Variants in SLC39A14 observed in about 807,000 individuals in gnomAD.
SLC39A14 encodes the protein solute carrier family 39 member 14, also known as metal cation symporter ZIP14.
SLC39A14 carries 19 observed loss-of-function variants against 45.5 expected under a neutral mutation model. That is an observed-to-expected ratio of 0.42 (90% CI 0.29 to 0.61). The LOEUF (loss-of-function observed/expected upper bound fraction) is 0.61, where lower values mean the gene tolerates loss of function less well. SLC39A14 is among the 20% of genes least tolerant of loss of function. SLC39A14 has a pLI of 0.22. For synonymous variants in SLC39A14, 264 were observed against 251.3 expected (o/e 1.05, Z -0.48); for missense variants, 447 against 616.5 (o/e 0.73, Z 2.91).
chr8:22,397,844 C>G (rs2132276483), intron 1 of SLC39A14, among the ~76,000 whole-genome samples: 1 of 152,292 alleles, frequency 6.6e-6, no homozygotes, highest in South Asian at 2.1e-4. Context: ...AAAGCGCAGT[C>G]TGCTTGAAGG....
At chr8:22,385,554 GT>G (rs1833746549) in intron 1 of SLC39A14, among the ~76,000 whole-genome samples, 1 of 152,214 alleles carries the variant, frequency 6.6e-6, no homozygotes, top group South Asian at 2.1e-4. Context: ...AGGCTCTGAG[GT>G]CAGAATGAGC....
intron 1 of SLC39A14, among the ~76,000 whole-genome samples, chr8:22,385,267 C>T (rs79469395): frequency 0.041 from 6,289 of 152,110 alleles, 150 homozygotes; most frequent in African/African-American, 0.043. Flanking sequence ...AAATGTGTGG[C>T]GCCTCATGAA....
At chr8:22,409,856 C>T (rs769500418) in intron 3 of SLC39A14, 63 of 1,368,740 alleles carry the variant, frequency 4.6e-5, no homozygotes, top group Non-Finnish European at 6.1e-5. Flanking sequence ...TGCCCCATCA[C>T]ACCTGAATTC....
chr8:22,430,920 A>T (rs1836456351), intron 8 of SLC39A14, among the ~76,000 whole-genome samples: 1 of 151,360 alleles, frequency 6.6e-6, no homozygotes, highest in Admixed American at 6.6e-5. Context: ...TAATCCGCCC[A>T]TCTCGGCCTC....
At chr8:22,417,086 A>G (rs191477443) in intron 7 of SLC39A14, among the ~76,000 whole-genome samples, 2 of 152,346 alleles carry the variant, frequency 1.3e-5, no homozygotes, top group Non-Finnish European at 1.5e-5. Flanking sequence ...TAATTACTCC[A>G]GAGGCTTTAG....
intron 1 of SLC39A14, among the ~76,000 whole-genome samples, chr8:22,368,913 G>A (rs1050091918): frequency 3.9e-5 from 6 of 152,028 alleles, no homozygotes; most frequent in Non-Finnish European, 5.9e-5. Context: ...CATATCCCCC[G>A]GGACGCAGCT....
At chr8:22,387,385 G>T (rs150986892) in intron 1 of SLC39A14, among the ~76,000 whole-genome samples, 2 of 152,114 alleles carry the variant, frequency 1.3e-5, no homozygotes, top group Non-Finnish European at 2.9e-5. Context: ...AAGCAGAAAC[G>T]CTTTGTGGCA....
chr8:22,419,332 C>G (rs900519869), intron 8 of SLC39A14, among the ~76,000 whole-genome samples: 1 of 151,952 alleles, frequency 6.6e-6, no homozygotes, highest in Non-Finnish European at 1.5e-5. Flanking sequence ...TACAGGCCTG[C>G]GCCACCACGC....
At chr8:22,423,679 T>C (rs1836328368), downstream of SLC39A14, among the ~76,000 whole-genome samples, 3 of 151,930 alleles carry the variant, frequency 2.0e-5, no homozygotes, top group Non-Finnish European at 4.4e-5. Flanking sequence ...TTGGCCAGGC[T>C]GGTCTCAGAA....
chr8:22,408,449 ACG>A lies in SLC39A14; in HGVS notation c.411_412del (p.Asn137LysfsTer4). On this transcript the variant is annotated frameshift_variant, in exon 3 of 9. Coordinates refer to ENST00000381237, the MANE Select transcript of SLC39A14 (RefSeq NM_001128431.4). LOFTEE classifies it high-confidence loss of function. ...GCCTGCACCTCGGAGAACCAGGAAA[ACG>A]AGGAGAATGAGCAGACGGAGGAGGG... The A allele has an allele frequency of 6.2e-7, 1 of 1,614,188 alleles. No individual in the cohort carries two copies. The highest frequency in any genetic ancestry group is 8.5e-7 in the Non-Finnish European group (1 of 1,180,042).
At chr8:22,413,273 G>A (rs996218785) in intron 4 of SLC39A14, among the ~76,000 whole-genome samples, 1 of 152,150 alleles carries the variant, frequency 6.6e-6, no homozygotes, top group Admixed American at 6.5e-5. Context: ...TTTCTGAAAT[G>A]TCAGTTGGCT....
At chr8:22,426,728 G>A (rs1836393528), downstream of SLC39A14, among the ~76,000 whole-genome samples, 1 of 151,962 alleles carries the variant, frequency 6.6e-6, no homozygotes, top group Non-Finnish European at 1.5e-5. Flanking sequence ...CTGTTGCCCA[G>A]GCTGGAGTGC....
chr8:22,378,056 C>CGGCA (rs999020257), intron 1 of SLC39A14, among the ~76,000 whole-genome samples: 2 of 152,124 alleles, frequency 1.3e-5, no homozygotes, highest in Non-Finnish European at 2.9e-5. Flanking sequence ...AAAGCCTGCC[C>CGGCA]GGTCCAAGAT....
chr8:22,385,227 G>A (rs1299582040), intron 1 of SLC39A14, among the ~76,000 whole-genome samples: 1 of 152,060 alleles, frequency 6.6e-6, no homozygotes, highest in Non-Finnish European at 1.5e-5. Flanking sequence ...TAGTTCACCC[G>A]AGCATAAAGA....
At chr8:22,423,992 T>A (rs1401291810), downstream of SLC39A14, among the ~76,000 whole-genome samples, 1 of 151,194 alleles carries the variant, frequency 6.6e-6, no homozygotes, top group East Asian at 1.9e-4. Context: ...TTTTTTTTTT[T>A]TATAGAAACA....
intron 1 of SLC39A14, among the ~76,000 whole-genome samples, chr8:22,376,475 AC>A (rs1833225534): frequency 6.7e-6 from 1 of 150,364 alleles, no homozygotes; most frequent in Non-Finnish European, 1.5e-5. Flanking sequence ...GAGCCACTGC[AC>A]TCGGCCATGT....
chr8:22,388,583 G>A, intron 1 of SLC39A14, among the ~76,000 whole-genome samples: 1 of 139,804 alleles, frequency 7.2e-6, no homozygotes, highest in East Asian at 2.1e-4. Context: ...GGGGCAGGAG[G>A]TTCTGGAGGG....
At chr8:22,403,490 C>T (rs1290698581) in intron 1 of SLC39A14, among the ~76,000 whole-genome samples, 4 of 145,028 alleles carry the variant, frequency 2.8e-5, no homozygotes, top group Admixed American at 6.9e-5. Flanking sequence ...CATGTTGGCT[C>T]AGCTGGTCTC....
intron 1 of SLC39A14, among the ~76,000 whole-genome samples, chr8:22,370,500 T>C (rs1832868733): frequency 1.3e-5 from 2 of 152,210 alleles, no homozygotes; most frequent in Non-Finnish European, 2.9e-5. Context: ...ACTTTGGTGA[T>C]CTTGGAGTCC....
Sources: gnomAD v4.1 joint callset for allele counts (sites outside exome capture counted in the v4.1 genomes callset) on GRCh38, gnomAD v4.1.1 for gene constraint, MANE v1.5 for transcripts, NCBI Gene and HGNC (gene_info 2026-07-23, HGNC 2026-07-21) for gene names.